Variants in USP49 observed in about 807,000 individuals in gnomAD.
USP49 encodes the protein ubiquitin carboxyl-terminal hydrolase 49.
In USP49, 24 loss-of-function variants were observed where a neutral mutation model predicts 58.6. The ratio of observed to expected loss-of-function variants is 0.41; its 90% CI spans 0.30 to 0.58. The LOEUF (loss-of-function observed/expected upper bound fraction) is 0.58, where lower values mean the gene tolerates loss of function less well. Ranked by LOEUF, USP49 falls within the 20% of genes least tolerant of loss-of-function variation. The pLI is 0.30. For missense variants in USP49, 703 were observed against 866.1 expected, an observed-to-expected ratio of 0.81 and a Z score of 2.36; for synonymous variants, 408 against 365.1, an observed-to-expected ratio of 1.12 and a Z score of -1.34.
intron 3 of USP49, among the ~76,000 whole-genome samples, chr6:41,831,344 T>C (rs928012936): frequency 1.3e-5 from 2 of 149,474 alleles, no homozygotes; most frequent in Non-Finnish European, 3.0e-5. Flanking sequence ...GAGCCGAGAT[T>C]GTGCCGCTGC....
At chr6:41,835,908 C>T (rs958657527) in intron 3 of USP49, among the ~76,000 whole-genome samples, 2 of 151,492 alleles carry the variant, frequency 1.3e-5, no homozygotes, top group Non-Finnish European at 2.9e-5. Flanking sequence ...ACCATCTCTA[C>T]AAAAATAAAA....
intron 3 of USP49, among the ~76,000 whole-genome samples, chr6:41,870,103 G>A (rs1220934029): frequency 6.6e-6 from 1 of 152,194 alleles, no homozygotes; most frequent in East Asian, 1.9e-4. Context: ...TTTATGTGTG[G>A]ATGGCTGGCA....
At position 41,791,124 on chromosome 6, in the gene USP49, A is replaced by G. The variant is rs1369486041; in HGVS notation, c.*5409T>C. On this transcript the variant is annotated 3_prime_UTR_variant, in exon 8 of 8. Transcript: ENST00000682992. ...TAAAAACTTCCAAAATTGAAAATCA[A>G]AATCCAGCAAGAATTAAGACATGGC... 6.6e-6 allele frequency: 1 copy of G among 152,262 alleles called. No individual in the cohort carries two copies. The highest frequency in any genetic ancestry group is 1.5e-5 in the Non-Finnish European group (1 of 68,046). 9.4% of individuals were successfully genotyped at this position (152,262 alleles called of 1,614,324 possible).
intron 3 of USP49, among the ~76,000 whole-genome samples, chr6:41,854,958 G>A (rs1461630814): frequency 6.6e-6 from 1 of 151,980 alleles, no homozygotes; most frequent in Non-Finnish European, 1.5e-5. Flanking sequence ...TTTTTTGGTA[G>A]AGATGGGGTT....
chr6:41,802,040 A>G (rs936611147), intron 5 of USP49, among the ~76,000 whole-genome samples: 4 of 150,542 alleles, frequency 2.7e-5, no homozygotes, highest in Non-Finnish European at 5.9e-5. Flanking sequence ...TTTTTTTTTA[A>G]ATATTACTCT....
At chr6:41,849,790 TAG>T (rs1440650300) in intron 3 of USP49, among the ~76,000 whole-genome samples, 2 of 152,016 alleles carry the variant, frequency 1.3e-5, no homozygotes, top group Non-Finnish European at 2.9e-5. Flanking sequence ...TGTATTTTAG[TAG>T]AGACAAGGTT....
intron 3 of USP49, among the ~76,000 whole-genome samples, chr6:41,844,126 C>G (rs1345978427): frequency 6.6e-6 from 1 of 151,904 alleles, no homozygotes; most frequent in African/African-American, 2.4e-5. Context: ...GAGACTGAAG[C>G]ACAAGAACCG....
intron 3 of USP49, among the ~76,000 whole-genome samples, chr6:41,815,989 C>T (rs559993381): frequency 6.6e-6 from 1 of 152,316 alleles, no homozygotes; most frequent in East Asian, 1.9e-4. Flanking sequence ...ACTGGTTTGC[C>T]CATGGAAAGG....
intron 2 of USP49, among the ~76,000 whole-genome samples, chr6:41,890,707 G>A (rs1774797825): frequency 2.0e-5 from 3 of 152,028 alleles, no homozygotes; most frequent in Admixed American, 2.0e-4. Context: ...ATAATATATG[G>A]GGAAATTGGT....
Position 41,806,317 on chromosome 6 carries a change from C to T in USP49, c.667G>A (p.Ala223Thr), listed in dbSNP as rs781401270. 1.3e-6 allele frequency: 2 copies of T among 1,556,570 alleles called. No individual in the cohort carries two copies. Among genetic ancestry groups the T allele is most frequent in the African/African-American group, 1.4e-5 (1 of 73,628 alleles). ...GTAGGGAGGGCGGCGGGGCGCGAGG[C>T]AGCCGGGCCCGCGTCGCGGGGCGTG... ...LHTPRDAGPA[A>T]SRPAALPTSR... Residue 223 changes from alanine to threonine, a missense_variant, in exon 4 of 8, where the codon GCC (alanine) becomes ACC (threonine). Physicochemically the swap from Ala to Thr is moderately conservative, Grantham distance 58. Transcript: ENST00000682992. This position sits in a 1 kb window ranked among gnomAD's most constrained non-coding sequence, Gnocchi z 5.9.
intron 3 of USP49, among the ~76,000 whole-genome samples, chr6:41,856,981 T>A (rs1363491775): frequency 2.6e-5 from 4 of 152,148 alleles, no homozygotes; most frequent in East Asian, 1.9e-4. Flanking sequence ...GAAACAGCCA[T>A]CCACTGGGAG....
chr6:41,864,814 G>T (rs942190976), intron 3 of USP49, among the ~76,000 whole-genome samples: 5 of 152,094 alleles, frequency 3.3e-5, no homozygotes, highest in Admixed American at 1.3e-4. Context: ...AGTGAGCAAA[G>T]AGTCTGACAG....
At position 41,798,785 on chromosome 6, in the gene USP49, C is replaced by T; in HGVS notation, c.1815G>A (p.Met605Ile). 6.2e-7 allele frequency: 1 copy of T among 1,614,032 alleles called. No individual in the cohort carries two copies. Among genetic ancestry groups the T allele is most frequent in the Middle Eastern group, 1.6e-4 (1 of 6,062 alleles). Reference sequence around the variant, plus strand: ...CTGAGCCAAACCCTTTCCCGTGATGCATGACCACTGCGGAGAGATCATAGG... The same window carrying T: ...CTGAGCCAAACCCTTTCCCGTGATGTATGACCACTGCGGAGAGATCATAGG... ...TFAYDLSAVV[M>I]HHGKGFGSGH... Residue 605 changes from methionine (M) to isoleucine (I), a missense_variant, in exon 7 of 8, where the codon ATG becomes ATA. By Grantham distance (10) the Met-to-Ile change is conservative. Around this residue, in one of 6 missense-constraint regions of USP49, gnomAD observed 158 missense variants for 241.2 expected, o/e 0.66. Coordinates refer to ENST00000682992, the MANE Select transcript of USP49 (RefSeq NM_001286554.2).
chr6:41,865,915 C>CTTTTTTTTT (rs1561922312), intron 3 of USP49, among the ~76,000 whole-genome samples: 1 of 96,180 alleles, frequency 1.0e-5, no homozygotes, highest in Non-Finnish European at 1.9e-5. Context: ...AAGCATGGTG[C>CTTTTTTTTT]CTTTTTTTTT....
rs528928075 is a variant in USP49 at position 41,791,647 on chromosome 6, T to G, written c.*4886A>C. On this transcript the variant is annotated 3_prime_UTR_variant, in exon 8 of 8. Transcript: ENST00000682992. The stretch of plus-strand genomic sequence containing the variant: ...ACTATGAAAATCTTTAGCTAGATTT[T>G]AAACGAAATATGCCAGCAGAAGTAT... 29 of 152,330 alleles carry G rather than the reference T, an allele frequency of 1.9e-4. No homozygotes were observed. Among genetic ancestry groups the G allele is most frequent in the African/African-American group, 6.7e-4 (28 of 41,576 alleles). The allele number at this position is 152,330 out of a possible 1,614,324, so 9.4% of individuals were successfully genotyped here. A position where few individuals can be genotyped will look rare whatever the true frequency, so the allele number is the denominator to read the frequency against.
intron 3 of USP49, among the ~76,000 whole-genome samples, chr6:41,824,064 G>C (rs911094526): frequency 3.3e-5 from 5 of 152,186 alleles, no homozygotes; most frequent in Non-Finnish European, 7.3e-5. Flanking sequence ...TCTGAAAGTA[G>C]TTAAACCTAA....
At chr6:41,817,461 T>C (rs1010683038) in intron 3 of USP49, among the ~76,000 whole-genome samples, 4 of 130,986 alleles carry the variant, frequency 3.1e-5, no homozygotes, top group Non-Finnish European at 4.9e-5. Flanking sequence ...TTCTTTCTTT[T>C]TTTTTTTTTT....
chr6:41,807,044 A>G (rs1420068986), intron 3 of USP49, 33 bp from the exon 4 acceptor site: 3 of 1,333,784 alleles, frequency 2.2e-6, no homozygotes, highest in African/African-American at 3.0e-5. Context: ...AAAGAAAAAG[A>G]AAAAGAAAAC....
intron 3 of USP49, among the ~76,000 whole-genome samples, chr6:41,836,794 C>G (rs1229760087): frequency 6.6e-6 from 1 of 151,720 alleles, no homozygotes; most frequent in African/African-American, 2.4e-5. Context: ...TTCTATACAC[C>G]AACAGTATCC....
Sources: gnomAD v4.1 joint callset for allele counts (sites outside exome capture counted in the v4.1 genomes callset) on GRCh38, gnomAD v4.1.1 for gene constraint, gnomAD v4.1.1 regional missense constraint, Gnocchi (gnomAD v3.1) non-coding constraint, MANE v1.5 for transcripts, NCBI Gene and HGNC (gene_info 2026-07-23, HGNC 2026-07-21) for gene names.